The following PDE6C variants were observed in gnomAD, a reference collection of about 807,000 sequenced individuals.
The protein encoded by PDE6C is cone cGMP-specific 3',5'-cyclic phosphodiesterase subunit alpha'.
A neutral mutation model predicts 113.1 loss-of-function variants in PDE6C; 75 were observed. That is an observed-to-expected ratio of 0.66 (90% CI 0.55 to 0.80). The LOEUF is 0.80. Ranked by LOEUF, PDE6C falls within the 30% of genes least tolerant of loss-of-function variation. PDE6C has a pLI of 0.00. For missense variants in PDE6C, 912 were observed against 1,038.6 expected, an observed-to-expected ratio of 0.88 and a Z score of 1.67; for synonymous variants, 375 against 363.7, an observed-to-expected ratio of 1.03 and a Z score of -0.35.
At chr10:93,622,639 GTTTTTTT>G (rs67350128) in intron 4 of PDE6C, among the ~76,000 whole-genome samples, 1 of 113,992 alleles carries the variant, frequency 8.8e-6, no homozygotes, top group Non-Finnish European at 1.7e-5. Flanking sequence ...GTAGCCACAG[GTTTTTTT>G]TTTGTTTTTT....
chr10:93,645,374 T>C (rs1479991686), intron 14 of PDE6C, among the ~76,000 whole-genome samples: 1 of 152,228 alleles, frequency 6.6e-6, no homozygotes, highest in Non-Finnish European at 1.5e-5. Flanking sequence ...TTCTTCTTTC[T>C]TTAAAATTAT....
Position 93,620,918 on chromosome 10 carries a change from T to A in PDE6C, c.661T>A (p.Ser221Thr). 1 of 1,614,114 alleles carries A rather than the reference T, an allele frequency of 6.2e-7. No individual in the cohort carries two copies. Among genetic ancestry groups the A allele is most frequent in the Non-Finnish European group, 8.5e-7 (1 of 1,179,992 alleles). Residue 221 changes from serine (S) to threonine (T), a missense_variant, in exon 3 of 22, where the codon TCT becomes ACT. Physicochemically the swap from Ser to Thr is moderately conservative, Grantham distance 58. Transcript: ENST00000371447. Reference protein sequence around the residue: ...EVFSKYLNFVSIILRLHHTSY... With the variant: ...EVFSKYLNFVTIILRLHHTSY... Reference sequence around the variant, plus strand: ...CTTTTCCAAATACCTCAACTTTGTGTCTATCATCCTAAGGCTTCATCACAC... The same window carrying A: ...CTTTTCCAAATACCTCAACTTTGTGACTATCATCCTAAGGCTTCATCACAC...
chr10:93,631,518 C>T (rs1564798742), intron 8 of PDE6C, among the ~76,000 whole-genome samples: 1 of 152,212 alleles, frequency 6.6e-6, no homozygotes, highest in Non-Finnish European at 1.5e-5. Context: ...CTCAACCTTC[C>T]ATCCTTCCGT....
chr10:93,640,666 G>C (rs2058555117), intron 13 of PDE6C, 109 bp downstream of exon 13: 2 of 859,104 alleles, frequency 2.3e-6, no homozygotes, highest in Non-Finnish European at 4.0e-6. Context: ...AAAATTCAGG[G>C]CACAAACCCC....
chr10:93,659,763 C>A (rs1213727341), intron 18 of PDE6C, among the ~76,000 whole-genome samples: 1 of 152,314 alleles, frequency 6.6e-6, no homozygotes, highest in South Asian at 2.1e-4. Flanking sequence ...ATGGGAACTA[C>A]AATTCAAGAT....
intron 1 of PDE6C, among the ~76,000 whole-genome samples, chr10:93,619,496 G>A (rs969404354): frequency 1.3e-5 from 2 of 152,078 alleles, no homozygotes; most frequent in Non-Finnish European, 2.9e-5. Context: ...GCGCGATCTT[G>A]GCTTACTGCA....
intron 16 of PDE6C, 106 bp downstream of exon 16, chr10:93,655,966 A>G (rs2058636095): frequency 2.6e-6 from 2 of 755,360 alleles, no homozygotes; most frequent in Non-Finnish European, 4.9e-6. Flanking sequence ...TCACACACAT[A>G]CACACACACA....
chr10:93,622,409 A>G (rs1012748491), intron 4 of PDE6C, among the ~76,000 whole-genome samples: 1 of 152,004 alleles, frequency 6.6e-6, no homozygotes, highest in Admixed American at 6.6e-5. Flanking sequence ...TGTTATTAAT[A>G]TCTTGCATTA....
At chr10:93,616,714 C>A (rs1411970479) in intron 1 of PDE6C, among the ~76,000 whole-genome samples, 1 of 134,996 alleles carries the variant, frequency 7.4e-6, no homozygotes, top group Non-Finnish European at 1.5e-5. Flanking sequence ...AGTGCAATGG[C>A]TTGATCTCGG....
intron 15 of PDE6C, among the ~76,000 whole-genome samples, chr10:93,654,795 TTTCTTTC>T (rs1331452743): frequency 4.6e-5 from 4 of 87,020 alleles, no homozygotes; most frequent in African/African-American, 1.0e-4. Flanking sequence ...TCTTTCTTTC[TTTCTTTC>T]TTTCTTTCTT....
chr10:93,638,190 G>A (rs756899023), intron 11 of PDE6C, among the ~76,000 whole-genome samples: 2 of 152,062 alleles, frequency 1.3e-5, no homozygotes, highest in African/African-American at 2.4e-5. Flanking sequence ...ATCTCTTTCC[G>A]ATCTGTGATG....
chr10:93,635,700 T>C, intron 10 of PDE6C, 60 bp downstream of exon 10: 1 of 1,541,600 alleles, frequency 6.5e-7, no homozygotes, highest in South Asian at 1.1e-5. Flanking sequence ...ATTCTAGAAG[T>C]CATCTAATTA....
intron 7 of PDE6C, 82 bp downstream of exon 7, chr10:93,626,953 C>A: frequency 8.0e-7 from 1 of 1,245,478 alleles, no homozygotes; most frequent in Non-Finnish European, 1.1e-6. Context: ...ATTGTGAAAG[C>A]AAGAATGCAT....
At chr10:93,620,534 G>A in intron 1 of PDE6C, 98 bp from the exon 2 acceptor site, 1 of 1,251,898 alleles carries the variant, frequency 8.0e-7, no homozygotes, top group East Asian at 2.3e-5. Context: ...TTATCTGTTG[G>A]TAGCATTTAA....
intron 14 of PDE6C, among the ~76,000 whole-genome samples, chr10:93,643,661 G>A (rs1488459881): frequency 2.6e-5 from 4 of 151,488 alleles, no homozygotes; most frequent in African/African-American, 9.7e-5. Context: ...AAGGTGCTGG[G>A]ATTACAGGCC....
intron 20 of PDE6C, 68 bp from the exon 21 acceptor site, chr10:93,662,960 C>T: frequency 1.5e-6 from 2 of 1,348,730 alleles, no homozygotes; most frequent in Non-Finnish European, 2.1e-6. Context: ...AGCTCACTCT[C>T]TGCATATGAA....
intron 8 of PDE6C, among the ~76,000 whole-genome samples, chr10:93,633,245 C>T (rs1015230011): frequency 6.6e-6 from 1 of 152,066 alleles, no homozygotes; most frequent in Non-Finnish European, 1.5e-5. Context: ...GCGGGCGGAT[C>T]ACTTGAGGTC....
At chr10:93,618,693 G>C (rs1437250674) in intron 1 of PDE6C, among the ~76,000 whole-genome samples, 1 of 152,234 alleles carries the variant, frequency 6.6e-6, no homozygotes, top group South Asian at 2.1e-4. Context: ...AAAAGTGCAG[G>C]TTCCACTGTA....
intron 7 of PDE6C, 49 bp from the exon 8 acceptor site, chr10:93,629,209 G>A (rs548300315): frequency 7.2e-7 from 1 of 1,381,520 alleles, no homozygotes; most frequent in Non-Finnish European, 1.0e-6. Context: ...GGATCAAGAG[G>A]GCTCCACTAC....
Sources: gnomAD v4.1 joint callset for allele counts (sites outside exome capture counted in the v4.1 genomes callset) on GRCh38, gnomAD v4.1.1 for gene constraint, MANE v1.5 for transcripts, NCBI Gene and HGNC (gene_info 2026-07-23, HGNC 2026-07-21) for gene names.